MPPED2: variants seen among roughly 807,000 people sequenced by gnomAD.
MPPED2 encodes the protein metallophosphoesterase domain containing 2.
Under a neutral mutation model 33.0 loss-of-function variants are expected in MPPED2, and 5 were observed. The ratio of observed to expected loss-of-function variants is 0.15; its 90% CI spans 0.08 to 0.32. The LOEUF (loss-of-function observed/expected upper bound fraction) is 0.32, where lower values mean the gene tolerates loss of function less well. Ranked by LOEUF, MPPED2 falls within the 10% of genes least tolerant of loss-of-function variation. The probability of loss-of-function intolerance (pLI) is 1.00; values close to 1 mark genes in which losing one functional copy is unlikely to be tolerated. For missense variants in MPPED2, 275 were observed against 372.1 expected (o/e 0.74, Z 2.15); for synonymous variants, 136 against 141.9 (o/e 0.96, Z 0.29).
At chr11:30,406,496 G>A (rs1947990745), downstream of MPPED2, among the ~76,000 whole-genome samples, 2 of 152,098 alleles carry the variant, frequency 1.3e-5, no homozygotes, top group African/African-American at 2.4e-5. Flanking sequence ...CTGAATCAGT[G>A]TTTTTCTCTC....
intron 1 of MPPED2, among the ~76,000 whole-genome samples, chr11:30,583,139 T>TTTC (rs1454926167): frequency 7.5e-4 from 25 of 33,226 alleles, no homozygotes; most frequent in Admixed American, 3.6e-3. Context: ...TTTTTCTTTT[T>TTTC]TTTTTTTTTT....
chr11:30,426,171 CT>C (rs1257943004), intron 4 of MPPED2, among the ~76,000 whole-genome samples: 4 of 152,212 alleles, frequency 2.6e-5, no homozygotes, highest in Non-Finnish European at 5.9e-5. Flanking sequence ...TCCATTCCTT[CT>C]CCCCCAGTCC....
chr11:30,468,256 ACTCTCTCTCTCT>A (rs3837402), intron 4 of MPPED2, among the ~76,000 whole-genome samples: 45 of 142,860 alleles, frequency 3.1e-4, no homozygotes, highest in South Asian at 4.5e-4. Context: ...ACACACACAC[ACTCTCTCTCTCT>A]CTCTCTCTCT....
chr11:30,452,805 G>A (rs1030451558), intron 4 of MPPED2, among the ~76,000 whole-genome samples: 1 of 152,056 alleles, frequency 6.6e-6, no homozygotes, highest in South Asian at 2.1e-4. Context: ...AGAGAGCATC[G>A]CTAAGTTTCT....
chr11:30,509,769 C>G (rs10835676), intron 3 of MPPED2, among the ~76,000 whole-genome samples: 26,565 of 152,182 alleles, frequency 0.17, 2,902 homozygotes, highest in Non-Finnish European at 0.24. Flanking sequence ...AAATTCCAAC[C>G]TAGCAGAGTC....
intron 4 of MPPED2, among the ~76,000 whole-genome samples, chr11:30,426,190 C>T (rs926218418): frequency 1.3e-5 from 2 of 152,170 alleles, no homozygotes; most frequent in Admixed American, 6.5e-5. Flanking sequence ...TCCCTAGTAA[C>T]CACTATTATA....
exon 7 of MPPED2, chr11:30,386,300 AC>A (rs571271526): frequency 7.0e-4 from 110 of 156,428 alleles, no homozygotes; most frequent in African/African-American, 2.4e-3. Flanking sequence ...TTTCAAGGCC[AC>A]CCCCCCATCA....
intron 4 of MPPED2, among the ~76,000 whole-genome samples, chr11:30,420,375 A>G (rs912542974): frequency 2.0e-5 from 3 of 152,224 alleles, no homozygotes; most frequent in African/African-American, 7.2e-5. Context: ...AGAGCCTCCA[A>G]AAAAATGCAG....
At chr11:30,468,586 C>A (rs948311562) in intron 4 of MPPED2, among the ~76,000 whole-genome samples, 1 of 151,808 alleles carries the variant, frequency 6.6e-6, no homozygotes, top group African/African-American at 2.4e-5. Context: ...AGGAGAGAAG[C>A]AGAAAGAAGA....
intron 2 of MPPED2, among the ~76,000 whole-genome samples, chr11:30,540,806 T>C (rs79659911): frequency 2.4e-3 from 367 of 152,328 alleles, no homozygotes; most frequent in African/African-American, 8.6e-3. Flanking sequence ...CCCTTTTCCA[T>C]TGGACAGTTC....
At chr11:30,394,618 G>A (rs992773394) in intron 6 of MPPED2, among the ~76,000 whole-genome samples, 5 of 152,020 alleles carry the variant, frequency 3.3e-5, no homozygotes, top group Non-Finnish European at 2.9e-5. Context: ...TAATTTGGTT[G>A]AATTTTAAGA....
intron 4 of MPPED2, among the ~76,000 whole-genome samples, chr11:30,484,943 T>TTTTTTG: frequency 6.6e-6 from 1 of 152,192 alleles, no homozygotes; most frequent in Admixed American, 6.5e-5. Flanking sequence ...TTGCTTCTTC[T>TTTTTTG]CTTCTACCAT....
intron 6 of MPPED2, among the ~76,000 whole-genome samples, chr11:30,392,038 G>T (rs1290788776): frequency 6.6e-6 from 1 of 152,184 alleles, no homozygotes; most frequent in Non-Finnish European, 1.5e-5. Context: ...AAGTAGTTGT[G>T]AGAATTAAGG....
At chr11:30,388,746 C>A in exon 7 of MPPED2, 1 of 1,143,252 alleles carries the variant, frequency 8.7e-7, no homozygotes, top group Non-Finnish European at 1.2e-6. Flanking sequence ...CCTCCTCATG[C>A]CTTCTTTGTC....
At chr11:30,425,292 CCT>C (rs535315100) in intron 4 of MPPED2, among the ~76,000 whole-genome samples, 4 of 152,122 alleles carry the variant, frequency 2.6e-5, no homozygotes, top group Non-Finnish European at 5.9e-5. Context: ...CAGCATTAAG[CCT>C]CTGTTACCGA....
chr11:30,552,396 A>G (rs1165310221), intron 2 of MPPED2, among the ~76,000 whole-genome samples: 3 of 152,210 alleles, frequency 2.0e-5, no homozygotes. Flanking sequence ...GGGATAATTA[A>G]CGTTAGTAAA....
chr11:30,428,696 T>G (rs1488493111), intron 4 of MPPED2, among the ~76,000 whole-genome samples: 1 of 152,222 alleles, frequency 6.6e-6, no homozygotes, highest in East Asian at 1.9e-4. Flanking sequence ...CAAGTTCATC[T>G]GTTTGATCTC....
chr11:30,510,664 C>T (rs1390846565), intron 3 of MPPED2, among the ~76,000 whole-genome samples: 1 of 152,192 alleles, frequency 6.6e-6, no homozygotes, highest in Admixed American at 6.5e-5. Context: ...ATCATTGACT[C>T]TTAAATGGTG....
chr11:30,455,915 G>T (rs958514573), intron 4 of MPPED2, among the ~76,000 whole-genome samples: 1 of 152,226 alleles, frequency 6.6e-6, no homozygotes, highest in African/African-American at 2.4e-5. Flanking sequence ...TGACCAAGAG[G>T]CTCCATGACT....
Sources: allele counts gnomAD v4.1 joint callset (sites outside exome capture counted in the v4.1 genomes callset), GRCh38; gene constraint gnomAD v4.1.1; transcripts MANE v1.5; gene names NCBI Gene and HGNC (gene_info 2026-07-23, HGNC 2026-07-21).